Variants in NFIA observed in about 807,000 individuals in gnomAD.
The protein encoded by NFIA is nuclear factor I A.
NFIA carries 8 observed loss-of-function variants against 62.8 expected under a neutral mutation model. That is an observed-to-expected ratio of 0.13 (90% confidence interval 0.07 to 0.23). The LOEUF (loss-of-function observed/expected upper bound fraction) is 0.23, where lower values mean the gene tolerates loss of function less well. NFIA is among the 10% of genes least tolerant of loss of function. The probability of loss-of-function intolerance (pLI) is 1.00; values close to 1 mark genes in which losing one functional copy is unlikely to be tolerated. For missense variants in NFIA, 410 were observed against 642.1 expected (o/e 0.64, Z 3.91); for synonymous variants, 235 against 238.1 (o/e 0.99, Z 0.12).
At position 61,426,475 on chromosome 1, in the gene NFIA, A is replaced by G; in HGVS notation, c.1431A>G (p.Thr477=). The change falls in exon 10 of 11, where the codon ACA becomes ACG. Residue 477 remains threonine (T), a synonymous_variant. Coordinates refer to ENST00000403491, the MANE Select transcript of NFIA (RefSeq NM_001134673.4). The part of the protein sequence containing the change: ...AASPTSPTYS[T]PSTSPANRFV... ...CCCTTCCCTTCACAGCCTACTCGAC[A>G]CCCAGCACCTCCCCCGCAAACCGAT... 6.4e-7 allele frequency: 1 copy of G among 1,551,308 alleles called. No homozygotes were observed. Among genetic ancestry groups the G allele is most frequent in the Non-Finnish European group, 8.7e-7 (1 of 1,146,872 alleles).
intron 3 of NFIA, among the ~76,000 whole-genome samples, chr1:61,319,089 G>A (rs998582985): frequency 6.6e-6 from 1 of 152,110 alleles, no homozygotes; most frequent in African/African-American, 2.4e-5. Context: ...ATCTGTGTCA[G>A]TGTACATGTA....
intron 2 of NFIA, among the ~76,000 whole-genome samples, chr1:61,233,919 G>A (rs1438429051): frequency 6.6e-6 from 1 of 152,106 alleles, no homozygotes; most frequent in African/African-American, 2.4e-5. Flanking sequence ...TAGTTGCTTG[G>A]CATAATTTAT....
At chr1:61,217,089 C>T (rs1272111440) in intron 2 of NFIA, among the ~76,000 whole-genome samples, 1 of 145,544 alleles carries the variant, frequency 6.9e-6, no homozygotes, top group African/African-American at 2.5e-5. Context: ...TGGAGTTTCA[C>T]TCTGTCACCC....
chr1:61,196,253 A>G (rs1651982183), intron 2 of NFIA, among the ~76,000 whole-genome samples: 1 of 152,164 alleles, frequency 6.6e-6, no homozygotes. Context: ...TTTGGATAAG[A>G]AATTTGTATA....
At chr1:61,344,366 GT>G (rs1365605385) in intron 4 of NFIA, among the ~76,000 whole-genome samples, 2 of 152,214 alleles carry the variant, frequency 1.3e-5, no homozygotes, top group African/African-American at 4.8e-5. Flanking sequence ...ATAGAACTCT[GT>G]GCTGCTATTG....
intron 2 of NFIA, among the ~76,000 whole-genome samples, chr1:61,107,235 A>G (rs1270962982): frequency 2.0e-5 from 3 of 151,524 alleles, no homozygotes; most frequent in African/African-American, 7.3e-5. Context: ...TTTTTTAAGA[A>G]AAGATAGTGA....
chr1:61,134,804 A>G (rs921713986), intron 2 of NFIA, among the ~76,000 whole-genome samples: 3 of 152,232 alleles, frequency 2.0e-5, no homozygotes, highest in African/African-American at 7.2e-5. Context: ...GGCCTGGGCA[A>G]CATAGGGAGA....
At chr1:61,407,965 G>A (rs1291405498) in intron 9 of NFIA, among the ~76,000 whole-genome samples, 1 of 152,152 alleles carries the variant, frequency 6.6e-6, no homozygotes, top group Non-Finnish European at 1.5e-5. Context: ...GAGGGAAAGA[G>A]ACAAAGAAGA....
chr1:61,329,313 T>C (rs556722063), intron 3 of NFIA, among the ~76,000 whole-genome samples: 1 of 152,016 alleles, frequency 6.6e-6, no homozygotes, highest in Non-Finnish European at 1.5e-5. Context: ...CCCAAAGTGC[T>C]GGGATTACAG....
chr1:61,388,659 A>G (rs1397800896), intron 7 of NFIA, among the ~76,000 whole-genome samples: 8 of 152,248 alleles, frequency 5.3e-5, no homozygotes, highest in African/African-American at 1.9e-4. Context: ...CACGATCCAC[A>G]TTGGGCAGCA....
chr1:61,128,915 G>GTTTTTTT lies in NFIA; in HGVS notation c.559+40254_559+40260dup, dbSNP rs10635152. ...CCAGCCAATGGTGATGCTTACTTAT[G>GTTTTTTT]TTTTTTTTTTTTTTTTTTTTTTTTT... On this transcript the variant is annotated intron_variant, in intron 2 of 10. Transcript: ENST00000403491. 1.1e-3 allele frequency among the ~76,000 whole-genome samples: 83 copies of GTTTTTTT among 74,132 alleles called. 1 individual carries two copies. Among genetic ancestry groups the GTTTTTTT allele is most frequent in the Non-Finnish European group, 1.3e-3 (59 of 44,322 alleles). The allele number at this position is 74,132 out of a possible 152,430, so 48.6% of individuals were successfully genotyped here. A position where few individuals can be genotyped will look rare whatever the true frequency, so the allele number is the denominator to read the frequency against.
chr1:61,409,725 C>T (rs1666011128), intron 9 of NFIA, among the ~76,000 whole-genome samples: 1 of 152,210 alleles, frequency 6.6e-6, no homozygotes, highest in Non-Finnish European at 1.5e-5. Context: ...GCCCTTCCTA[C>T]ATATGGTCCG....
chr1:61,154,212 G>A (rs1009707812), intron 2 of NFIA, among the ~76,000 whole-genome samples: 1 of 152,054 alleles, frequency 6.6e-6, no homozygotes, highest in Non-Finnish European at 1.5e-5. Flanking sequence ...TGCGTGGTGC[G>A]ATCTTGGCTC....
chr1:61,397,675 T>C (rs919035813), intron 7 of NFIA, among the ~76,000 whole-genome samples: 19 of 152,254 alleles, frequency 1.2e-4, no homozygotes, highest in African/African-American at 2.4e-4. Context: ...AGCCCCATTA[T>C]ACAGATGCCA....
chr1:61,082,858 GCGC>G (rs1430517318), intron 1 of NFIA, 40 bp downstream of exon 1: 6 of 1,544,522 alleles, frequency 3.9e-6, no homozygotes, highest in South Asian at 2.4e-5. Flanking sequence ...GGGGGCCGGG[GCGC>G]CGGGGGCAGG....
intron 2 of NFIA, among the ~76,000 whole-genome samples, chr1:61,203,367 A>G (rs10889216): frequency 0.42 from 64,389 of 152,028 alleles, 16,136 homozygotes; most frequent in East Asian, 0.8. Context: ...GTACATGTCA[A>G]AATTAAAGCA....
Position 61,175,128 on chromosome 1 carries a change from G to GATTATTATT in NFIA, c.559+86467_559+86475dup, listed in dbSNP as rs66989543. 7.4e-4 allele frequency among the ~76,000 whole-genome samples: 111 copies of GATTATTATT among 150,150 alleles called. 3 individuals are homozygous for GATTATTATT. The East Asian group carries it at 9.1e-3, about 12-fold the overall frequency. On this transcript the variant is annotated intron_variant, in intron 2 of 10. Transcript: ENST00000403491. ...ATTGACACTTAAACTTTTCTGTATT[G>GATTATTATT]ATTATTATTATTATTATTATTATTA...
At chr1:61,228,628 A>G (rs1429281172) in intron 2 of NFIA, among the ~76,000 whole-genome samples, 3 of 152,186 alleles carry the variant, frequency 2.0e-5, no homozygotes, top group African/African-American at 7.2e-5. Context: ...GCAGTATTCA[A>G]TTCATTCATT....
Position 61,212,803 on chromosome 1 carries a change from G to A in NFIA, c.560-64717G>A, listed in dbSNP as rs1653349816. Among the ~76,000 whole-genome samples the A allele has an allele frequency of 2.0e-5, 3 of 152,226 alleles. No individual in the cohort carries two copies. The South Asian group carries it at 6.2e-4, about 32-fold the overall frequency. ...AGCCCAGACTGAGGTTGAGCCAGAGGAAGAAGGAGGCCGTGTGGTTAAACC... is the reference window on the plus strand; with the variant it reads ...AGCCCAGACTGAGGTTGAGCCAGAGAAAGAAGGAGGCCGTGTGGTTAAACC... On this transcript the variant is annotated intron_variant, in intron 2 of 10. Transcript: ENST00000403491.
Sources: allele counts gnomAD v4.1 joint callset (sites outside exome capture counted in the v4.1 genomes callset), GRCh38; gene constraint gnomAD v4.1.1; transcripts MANE v1.5; gene names NCBI Gene and HGNC (gene_info 2026-07-23, HGNC 2026-07-21).